Variants in LRBA observed in about 807,000 individuals in gnomAD.
The protein encoded by LRBA is lipopolysaccharide-responsive and beige-like anchor protein.
A neutral mutation model predicts 330.0 loss-of-function variants in LRBA; 176 were observed. The ratio of observed to expected loss-of-function variants is 0.53; its 90% CI spans 0.47 to 0.60. The LOEUF is 0.60. Ranked by LOEUF, LRBA falls within the 20% of genes least tolerant of loss-of-function variation. The pLI is 0.00. For missense variants in LRBA, 3,259 were observed against 3,444.8 expected, an observed-to-expected ratio of 0.95 and a Z score of 1.35; for synonymous variants, 1,230 against 1,193.0, an observed-to-expected ratio of 1.03 and a Z score of -0.64.
At chr4:150,328,670 G>T (rs1351367940) in intron 48 of LRBA, among the ~76,000 whole-genome samples, 2 of 151,982 alleles carry the variant, frequency 1.3e-5, no homozygotes, top group Non-Finnish European at 2.9e-5. Flanking sequence ...AGCACCTAGA[G>T]CAGAACCTCA....
chr4:150,685,551 G>C lies in LRBA; in HGVS notation c.5755-1834C>G, dbSNP rs1325037904. 1.1e-4 allele frequency among the ~76,000 whole-genome samples: 15 copies of C among 142,508 alleles called. No individual in the cohort carries two copies. The East Asian group carries it at 2.6e-3, about 25-fold the overall frequency. 93.5% of individuals were successfully genotyped at this position (142,508 alleles called of 152,430 possible). A position where few individuals can be genotyped will look rare whatever the true frequency, so the allele number is the denominator to read the frequency against. ...TGGGTTCAAGCAATTCTCCTGCCTC[G>C]ACCTCCCGAGTAGCTGGGACTACAG... On this transcript the variant is annotated intron_variant, in intron 36 of 56. Coordinates refer to ENST00000651943, the MANE Select transcript of LRBA (RefSeq NM_001364905.1).
At chr4:150,403,535 T>A (rs1745776759) in intron 47 of LRBA, among the ~76,000 whole-genome samples, 1 of 152,006 alleles carries the variant, frequency 6.6e-6, no homozygotes, top group African/African-American at 2.4e-5. Flanking sequence ...TCTCTCTCTT[T>A]CTTCTTCTTC....
intron 40 of LRBA, among the ~76,000 whole-genome samples, chr4:150,494,891 T>G (rs1035884754): frequency 1.3e-5 from 2 of 151,726 alleles, no homozygotes; most frequent in Non-Finnish European, 2.9e-5. Context: ...TCCCAGCTAC[T>G]TGGGAGTCTG....
At chr4:150,537,145 G>T (rs1764743588) in intron 40 of LRBA, among the ~76,000 whole-genome samples, 1 of 152,010 alleles carries the variant, frequency 6.6e-6, no homozygotes, top group East Asian at 1.9e-4. Flanking sequence ...ATAGACCAAT[G>T]GAACAGAATA....
At chr4:150,774,951 C>G (rs1029094347) in intron 34 of LRBA, among the ~76,000 whole-genome samples, 1 of 152,118 alleles carries the variant, frequency 6.6e-6, no homozygotes, top group African/African-American at 2.4e-5. Flanking sequence ...CTACATACAC[C>G]ATGATCAATT....
At chr4:150,895,864 C>T (rs1730024355) in intron 16 of LRBA, among the ~76,000 whole-genome samples, 1 of 152,054 alleles carries the variant, frequency 6.6e-6, no homozygotes, top group Admixed American at 6.6e-5. Flanking sequence ...GCCACACCGA[C>T]TTCCACAATG....
Position 150,323,116 on chromosome 4 carries a change from C to T in LRBA, c.7453-1748G>A, listed in dbSNP as rs76444966. The stretch of plus-strand genomic sequence containing the variant: ...TTTGATTTTTAAAACCCTAGTATCA[C>T]TAGTTTTTGTCACACAAAGAACGTT... On this transcript the variant is annotated intron_variant, in intron 49 of 56. Coordinates refer to ENST00000651943, the MANE Select transcript of LRBA (RefSeq NM_001364905.1). Among the ~76,000 whole-genome samples the T allele has an allele frequency of 5.0e-3, 758 of 151,496 alleles. 6 individuals are homozygous for T. The highest frequency in any genetic ancestry group is 0.017 in the African/African-American group (722 of 41,282).
chr4:150,642,375 C>T (rs1443088614), intron 37 of LRBA, among the ~76,000 whole-genome samples: 2 of 151,812 alleles, frequency 1.3e-5, no homozygotes, highest in Non-Finnish European at 2.9e-5. Flanking sequence ...AGTTGTTACT[C>T]TTTCTTTTAT....
intron 42 of LRBA, among the ~76,000 whole-genome samples, chr4:150,484,095 C>G (rs1757603730): frequency 6.6e-6 from 1 of 151,896 alleles, no homozygotes; most frequent in Non-Finnish European, 1.5e-5. Context: ...GCTAAAATGA[C>G]TATTTTATTT....
chr4:150,813,652 A>G (rs1369721091), intron 31 of LRBA, among the ~76,000 whole-genome samples: 1 of 152,122 alleles, frequency 6.6e-6, no homozygotes, highest in Non-Finnish European at 1.5e-5. Context: ...TCTATCTAGT[A>G]CTAGTTTCTC....
chr4:150,722,723 C>A (rs1285654982), intron 36 of LRBA, among the ~76,000 whole-genome samples: 2 of 151,880 alleles, frequency 1.3e-5, no homozygotes, highest in Non-Finnish European at 1.5e-5. Context: ...CTGCACATAG[C>A]AAAGCACCAT....
intron 18 of LRBA, among the ~76,000 whole-genome samples, chr4:150,871,923 A>T: frequency 6.6e-6 from 1 of 152,212 alleles, no homozygotes; most frequent in East Asian, 1.9e-4. Context: ...CCTTCCAAGC[A>T]TAAATTCAGA....
At chr4:150,618,856 ATAT>A (rs1776029111) in intron 37 of LRBA, among the ~76,000 whole-genome samples, 1 of 149,552 alleles carries the variant, frequency 6.7e-6, no homozygotes, top group Non-Finnish European at 1.5e-5. Flanking sequence ...ATGTATATAT[ATAT>A]ATATATATAT....
intron 2 of LRBA, among the ~76,000 whole-genome samples, chr4:150,968,619 C>G (rs1739172754): frequency 6.6e-6 from 1 of 152,084 alleles, no homozygotes; most frequent in African/African-American, 2.4e-5. Flanking sequence ...AAAGTGGAAG[C>G]CAGCAGAGGC....
At chr4:150,989,097 G>C (rs905143061) in intron 2 of LRBA, among the ~76,000 whole-genome samples, 1 of 151,924 alleles carries the variant, frequency 6.6e-6, no homozygotes, top group Non-Finnish European at 1.5e-5. Context: ...CTGCCTCCAG[G>C]GTTTAAGCAA....
intron 35 of LRBA, among the ~76,000 whole-genome samples, chr4:150,752,376 T>C (rs1733675809): frequency 6.6e-6 from 1 of 152,062 alleles, no homozygotes; most frequent in African/African-American, 2.4e-5. Flanking sequence ...AAGCTCTCAG[T>C]AACAACTTTG....
At chr4:150,340,781 T>C (rs953761884) in intron 48 of LRBA, among the ~76,000 whole-genome samples, 53 of 152,216 alleles carry the variant, frequency 3.5e-4, no homozygotes, top group African/African-American at 1.2e-3. Flanking sequence ...TTAAGGATTT[T>C]TAGCTTTGAT....
intron 2 of LRBA, among the ~76,000 whole-genome samples, chr4:151,003,827 G>C (rs940120560): frequency 6.6e-6 from 1 of 150,742 alleles, no homozygotes; most frequent in Non-Finnish European, 1.5e-5. Flanking sequence ...ACACATAGAC[G>C]AATGGAACAG....
chr4:150,813,177 GA>G (rs1744037695), intron 31 of LRBA, among the ~76,000 whole-genome samples: 1 of 7,876 alleles, frequency 1.3e-4, no homozygotes, highest in Admixed American at 1.5e-3. Context: ...AAAAAAAAAA[GA>G]AAGAAAGAAA....
Sources: gnomAD v4.1 joint callset for allele counts (sites outside exome capture counted in the v4.1 genomes callset) on GRCh38, gnomAD v4.1.1 for gene constraint, MANE v1.5 for transcripts, NCBI Gene and HGNC (gene_info 2026-07-23, HGNC 2026-07-21) for gene names.